Variants in DNM2 observed in about 807,000 individuals in gnomAD.
DNM2 encodes dynamin-2.
Under a neutral mutation model 99.0 loss-of-function variants are expected in DNM2, and 15 were observed. The ratio of observed to expected loss-of-function variants is 0.15; its 90% CI spans 0.10 to 0.23. The LOEUF (loss-of-function observed/expected upper bound fraction) is 0.23. DNM2 is among the 10% of genes least tolerant of loss of function. DNM2 has a pLI of 1.00. For missense variants in DNM2, 742 were observed against 1,189.4 expected (o/e 0.62, Z 5.53); for synonymous variants, 525 against 481.2 (o/e 1.09, Z -1.19).
chr19:10,825,513 A>G (rs576987452), intron 18 of DNM2, among the ~76,000 whole-genome samples: 1 of 151,840 alleles, frequency 6.6e-6, no homozygotes, highest in Admixed American at 6.6e-5. Flanking sequence ...TACTAAATAT[A>G]CAAAAATTAG....
intron 13 of DNM2, 116 bp downstream of exon 13, chr19:10,806,083 T>A: frequency 3.9e-6 from 5 of 1,289,730 alleles, no homozygotes; most frequent in Middle Eastern, 1.9e-4. Flanking sequence ...ACAGCCTCAG[T>A]ACCAGGCCAT....
intron 1 of DNM2, chr19:10,759,485 G>T: frequency 3.5e-6 from 2 of 575,988 alleles, no homozygotes; most frequent in Non-Finnish European, 6.3e-6. Context: ...CCCCCTGGGA[G>T]TACGGGGGGT....
intron 2 of DNM2, among the ~76,000 whole-genome samples, chr19:10,762,330 G>T (rs1385831043): frequency 6.6e-6 from 1 of 152,112 alleles, no homozygotes; most frequent in Non-Finnish European, 1.5e-5. Flanking sequence ...GAGCCACTGG[G>T]CCCGGCCACA....
chr19:10,780,637 G>A lies in DNM2; in HGVS notation c.689-2323G>A, dbSNP rs1002297423. Among the ~76,000 whole-genome samples the A allele has an allele frequency of 4.6e-5, 7 of 152,062 alleles. No homozygotes were observed. In the East Asian group the frequency reaches 7.7e-4, roughly 17 times the overall value. On this transcript the variant is annotated intron_variant, in intron 5 of 20. Transcript: ENST00000389253. ...TGACTCACAACTCCTCCTCCTTTAC[G>A]GGAACCCAGGCTAGGCGTGGTGGCT... is the stretch of plus-strand genomic sequence containing the variant.
At chr19:10,725,123 C>T (rs1429071157) in intron 1 of DNM2, among the ~76,000 whole-genome samples, 1 of 152,198 alleles carries the variant, frequency 6.6e-6, no homozygotes, top group African/African-American at 2.4e-5. Context: ...CAGTGACTTT[C>T]CTTTTGGGCA....
intron 1 of DNM2, 62 bp downstream of exon 1, chr19:10,718,465 G>A (rs2068824961): frequency 3.8e-6 from 5 of 1,306,468 alleles, no homozygotes; most frequent in East Asian, 3.2e-5. Flanking sequence ...GGCGGACCGG[G>A]AATGGCGCGC....
intron 7 of DNM2, among the ~76,000 whole-genome samples, chr19:10,790,226 T>A (rs556985871): frequency 6.6e-6 from 1 of 152,356 alleles, no homozygotes; most frequent in African/African-American, 2.4e-5. Flanking sequence ...TGGAGCCTTC[T>A]GTCTCCGCCT....
chr19:10,754,026 C>G (rs1024802948), intron 1 of DNM2, among the ~76,000 whole-genome samples: 2 of 152,126 alleles, frequency 1.3e-5, no homozygotes, highest in Non-Finnish European at 2.9e-5. Context: ...AGTCAGCTTC[C>G]TTAGGTTGAA....
intron 10 of DNM2, chr19:10,798,237 C>T (rs900763671): frequency 1.8e-6 from 1 of 560,416 alleles, no homozygotes; most frequent in South Asian, 2.0e-5. Context: ...TTGCCTCCTG[C>T]CTCCTGCCCC....
At chr19:10,803,070 C>T (rs573511952) in intron 12 of DNM2, among the ~76,000 whole-genome samples, 96 of 152,274 alleles carry the variant, frequency 6.3e-4, no homozygotes, top group African/African-American at 2.1e-3. Context: ...ACACCCAGCT[C>T]CCCACCCTCA....
Position 10,795,929 on chromosome 19 carries a change from CAG to C in DNM2, c.1196+491_1196+492del. ...CCTGAGGGTTTCCGGGCAGTGGACT[CAG>C]GCATCCGACCCCACACATGACACAA... On this transcript the variant is annotated intron_variant, in intron 9 of 20. Transcript: ENST00000389253. The surrounding 1 kb of genome is among the most constrained non-coding windows in gnomAD (Gnocchi z 4.2). 3 of 1,495,072 alleles carry C rather than the reference CAG, an allele frequency of 2.0e-6. No homozygotes were observed. Among genetic ancestry groups the C allele is most frequent in the Non-Finnish European group, 2.8e-6 (3 of 1,086,658 alleles). The allele number at this position is 1,495,072 out of a possible 1,614,324, so 92.6% of individuals were successfully genotyped here.
chr19:10,773,563 C>T (rs936491179), intron 3 of DNM2, among the ~76,000 whole-genome samples: 2 of 151,774 alleles, frequency 1.3e-5, no homozygotes, highest in Admixed American at 6.6e-5. Flanking sequence ...ATTCTCTGGC[C>T]TCAGCCTCCC....
chr19:10,772,676 A>G lies in DNM2; in HGVS notation c.385+48A>G, dbSNP rs374465009. On this transcript the variant is annotated intron_variant, in intron 3 of 20. Transcript: ENST00000389253. The surrounding 1 kb of genome is among the most constrained non-coding windows in gnomAD (Gnocchi z 4.9). ...CATCACTGACCGTTTCTGGTCGTTC[A>G]TGGACAGTGCTATGGGTGAGCCTGT... The G allele has an allele frequency of 3.3e-4, 540 of 1,612,414 alleles. 1 individual carries two copies. The highest frequency in any genetic ancestry group is 4.2e-4 in the Non-Finnish European group (499 of 1,179,696).
At position 10,831,308 on chromosome 19, in the gene DNM2, G is replaced by A. The variant is rs911330676; in HGVS notation, c.*261G>A. ...GGATGGAGTCTCAGGGTGGCAGAGG[G>A]GGGACCAGAACCCTTGACACCATCC... On this transcript the variant is annotated 3_prime_UTR_variant, in exon 21 of 21. Transcript: ENST00000389253. The surrounding 1 kb of genome is among the most constrained non-coding windows in gnomAD (Gnocchi z 4.3). 1 of 1,273,214 alleles carries A rather than the reference G, an allele frequency of 7.9e-7. No homozygotes were observed. The highest frequency in any genetic ancestry group is 3.3e-5 in the East Asian group (1 of 29,900). 78.9% of individuals were successfully genotyped at this position (1,273,214 alleles called of 1,614,324 possible).
At position 10,811,566 on chromosome 19, in the gene DNM2, G is replaced by A. The variant is rs949917636; in HGVS notation, c.1558-698G>A. Reference sequence around the variant, plus strand: ...CTCCGTGTGCTTCCTGCAGCTCCCAGGGCCCTCGTCCTGAGTGGGGTGGGG... The same window carrying A: ...CTCCGTGTGCTTCCTGCAGCTCCCAAGGCCCTCGTCCTGAGTGGGGTGGGG... On this transcript the variant is annotated intron_variant, in intron 14 of 20. Coordinates refer to ENST00000389253, the MANE Select transcript of DNM2 (RefSeq NM_001005361.3). This position sits in a 1 kb window ranked among gnomAD's most constrained non-coding sequence, Gnocchi z 5.4. 2 of 388,624 alleles carry A rather than the reference G, an allele frequency of 5.1e-6. No individual in the cohort carries two copies. The highest frequency in any genetic ancestry group is 1.0e-5 in the Non-Finnish European group (2 of 193,270). 24.1% of individuals were successfully genotyped at this position (388,624 alleles called of 1,614,324 possible). A position where few individuals can be genotyped will look rare whatever the true frequency, so the allele number is the denominator to read the frequency against.
chr19:10,734,770 A>G lies in DNM2; in HGVS notation c.161+16367A>G, dbSNP rs181899979. Among the ~76,000 whole-genome samples the G allele has an allele frequency of 2.0e-5, 3 of 150,392 alleles. No individual in the cohort carries two copies. The Admixed American group carries it at 2.0e-4, about 10-fold the overall frequency. On this transcript the variant is annotated intron_variant, in intron 1 of 20. Coordinates refer to ENST00000389253, the MANE Select transcript of DNM2 (RefSeq NM_001005361.3). The stretch of plus-strand genomic sequence containing the variant: ...GGGGTCTTGCTGTCTGGAAGTATAC[A>G]TACTGAGAAATTTTATTTTTCAAAC...
At position 10,830,832 on chromosome 19, in the gene DNM2, C is replaced by T. The variant is rs554313007; in HGVS notation, c.2544-146C>T. The stretch of plus-strand genomic sequence containing the variant: ...GATGCCTAGGTTTGGCACTCCTGCC[C>T]GACACCCTGGTGGCTTGCGGAGGTC... On this transcript the variant is annotated intron_variant, in intron 20 of 20. Transcript: ENST00000389253. This position sits in a 1 kb window ranked among gnomAD's most constrained non-coding sequence, Gnocchi z 4.8. 2.3e-5 allele frequency: 23 copies of T among 1,019,374 alleles called. No homozygotes were observed. Among genetic ancestry groups the T allele is most frequent in the Middle Eastern group, 2.7e-4 (1 of 3,658 alleles). The allele number at this position is 1,019,374 out of a possible 1,614,324, so 63.1% of individuals were successfully genotyped here. A position where few individuals can be genotyped will look rare whatever the true frequency, so the allele number is the denominator to read the frequency against.
intron 2 of DNM2, among the ~76,000 whole-genome samples, chr19:10,761,449 G>A (rs2070630775): frequency 6.6e-6 from 1 of 152,010 alleles, no homozygotes; most frequent in African/African-American, 2.4e-5. Flanking sequence ...ATCCCAGCTG[G>A]AAACCCCCTC....
At chr19:10,810,834 C>G (rs889021528) in intron 14 of DNM2, 1 of 153,032 alleles carries the variant, frequency 6.5e-6, no homozygotes, top group Admixed American at 6.5e-5. Flanking sequence ...GCAGTGCCCC[C>G]ACCCCGCTCC....
Sources: allele counts gnomAD v4.1 joint callset (sites outside exome capture counted in the v4.1 genomes callset), GRCh38; gene constraint gnomAD v4.1.1; non-coding constraint Gnocchi (gnomAD v3.1); transcripts MANE v1.5; gene names NCBI Gene and HGNC (gene_info 2026-07-23, HGNC 2026-07-21).